The following ROBO1 variants were observed in gnomAD, a reference collection of about 807,000 sequenced individuals.
ROBO1 encodes the protein roundabout homolog 1.
ROBO1 carries 149 observed loss-of-function variants against 195.9 expected under a neutral mutation model. That is an observed-to-expected ratio of 0.76 (90% CI 0.67 to 0.87). The LOEUF is 0.87. ROBO1 is among the 40% of genes least tolerant of loss of function. The pLI is 0.00. For synonymous variants in ROBO1, 816 were observed against 733.2 expected (o/e 1.11, Z -1.82); for missense variants, 1,933 against 2,068.3 (o/e 0.93, Z 1.27).
chr3:78,960,752 G>A (rs956555323), intron 3 of ROBO1, among the ~76,000 whole-genome samples: 15 of 149,204 alleles, frequency 1.0e-4, no homozygotes, highest in Non-Finnish European at 2.1e-4. Flanking sequence ...TCTCCAGCCT[G>A]GGCAACGAAG....
intron 4 of ROBO1, among the ~76,000 whole-genome samples, chr3:78,922,005 C>A (rs2038961912): frequency 6.6e-6 from 1 of 151,934 alleles, no homozygotes; most frequent in Admixed American, 6.6e-5. Flanking sequence ...GAGAAAATTT[C>A]TCTTATTTAG....
intron 2 of ROBO1, among the ~76,000 whole-genome samples, chr3:79,418,364 C>A (rs764975543): frequency 1.2e-4 from 18 of 152,134 alleles, no homozygotes; most frequent in Middle Eastern, 6.8e-3. Context: ...TTCTATCTCC[C>A]AAATTGGATT....
rs577972227 is a variant in ROBO1 at position 79,155,069 on chromosome 3, T to C, written c.89-29530A>G. On this transcript the variant is annotated intron_variant, in intron 2 of 30. Coordinates refer to ENST00000464233, the MANE Select transcript of ROBO1 (RefSeq NM_002941.4). ...AGTGCCTCTCAAAGGACACATTGAC[T>C]CCTATTGCCAACGATGCATGTGGCT... Among the ~76,000 whole-genome samples the C allele has an allele frequency of 1.5e-4, 23 of 151,898 alleles. 1 individual carries two copies. The East Asian group carries it at 3.7e-3, about 24-fold the overall frequency.
At chr3:79,339,325 G>A (rs1033332749) in intron 2 of ROBO1, among the ~76,000 whole-genome samples, 1 of 152,126 alleles carries the variant, frequency 6.6e-6, no homozygotes, top group African/African-American at 2.4e-5. Context: ...TGGACCGTAA[G>A]AGCCTGCTTG....
chr3:79,056,974 G>C (rs1006295118), intron 3 of ROBO1, among the ~76,000 whole-genome samples: 2 of 152,018 alleles, frequency 1.3e-5, no homozygotes, highest in Non-Finnish European at 2.9e-5. Context: ...CCTTGAAATC[G>C]GCTCGAAGTT....
At chr3:79,439,461 T>G (rs192433031) in intron 2 of ROBO1, among the ~76,000 whole-genome samples, 9 of 152,212 alleles carry the variant, frequency 5.9e-5, no homozygotes, top group Non-Finnish European at 1.3e-4. Flanking sequence ...TATTATTATC[T>G]AAATTATTTT....
intron 2 of ROBO1, among the ~76,000 whole-genome samples, chr3:79,277,131 G>T (rs560754985): frequency 6.6e-6 from 1 of 151,758 alleles, no homozygotes; most frequent in African/African-American, 2.4e-5. Flanking sequence ...ATACCCAAAA[G>T]AAAAAAAATT....
At chr3:79,128,391 C>T (rs1378345834) in intron 2 of ROBO1, among the ~76,000 whole-genome samples, 1 of 152,050 alleles carries the variant, frequency 6.6e-6, no homozygotes, top group East Asian at 1.9e-4. Context: ...ATTTGTGTAC[C>T]TACCCATTTT....
intron 2 of ROBO1, among the ~76,000 whole-genome samples, chr3:79,402,315 T>C (rs2037396940): frequency 6.6e-6 from 1 of 151,984 alleles, no homozygotes; most frequent in South Asian, 2.1e-4. Flanking sequence ...CAGACAATAA[T>C]AGATACATAT....
At chr3:78,631,480 C>T (rs561122954) in intron 24 of ROBO1, among the ~76,000 whole-genome samples, 175 bp from the exon 25 acceptor site, 2 of 152,196 alleles carry the variant, frequency 1.3e-5, no homozygotes, top group East Asian at 3.9e-4. Flanking sequence ...ATGCAAGGTA[C>T]TGCCATGAAT....
chr3:78,949,778 T>C (rs2040670143), intron 3 of ROBO1, among the ~76,000 whole-genome samples: 1 of 152,096 alleles, frequency 6.6e-6, no homozygotes. Flanking sequence ...AAAGGGCTAA[T>C]ATCCAGAATC....
intron 2 of ROBO1, among the ~76,000 whole-genome samples, chr3:79,172,176 G>T (rs955118964): frequency 6.6e-6 from 1 of 152,044 alleles, no homozygotes; most frequent in South Asian, 2.1e-4. Context: ...ATAAGATCCT[G>T]TGGTCTACTC....
At chr3:78,759,403 G>A (rs144063946) in intron 4 of ROBO1, 3 of 147,946 alleles carry the variant, frequency 2.0e-5, no homozygotes, top group African/African-American at 5.0e-5. Context: ...AAAAAAAAGC[G>A]AACGAGAGAA....
intron 6 of ROBO1, 134 bp from the exon 7 acceptor site, chr3:78,717,547 C>G: frequency 1.1e-6 from 1 of 907,710 alleles, no homozygotes; most frequent in Non-Finnish European, 1.7e-6. Flanking sequence ...TCCCCTCATT[C>G]TAGAAGCTTC....
chr3:78,901,164 T>C (rs1245440204), intron 4 of ROBO1, among the ~76,000 whole-genome samples: 1 of 152,232 alleles, frequency 6.6e-6, no homozygotes. Flanking sequence ...CTAGGATATA[T>C]TGCTTGTGTA....
At chr3:79,250,569 G>C (rs2082709510) in intron 2 of ROBO1, among the ~76,000 whole-genome samples, 1 of 151,920 alleles carries the variant, frequency 6.6e-6, no homozygotes, top group Admixed American at 6.6e-5. Context: ...TGTGTGGGGG[G>C]GGTTCTGTAT....
chr3:79,291,824 C>G (rs1423531079), intron 2 of ROBO1, among the ~76,000 whole-genome samples: 1 of 152,078 alleles, frequency 6.6e-6, no homozygotes, highest in Admixed American at 6.6e-5. Context: ...CCATAAATGG[C>G]CCCAAGTTTT....
chr3:79,549,444 T>C (rs1942394183), intron 2 of ROBO1, among the ~76,000 whole-genome samples: 1 of 152,200 alleles, frequency 6.6e-6, no homozygotes, highest in Non-Finnish European at 1.5e-5. Flanking sequence ...CGGCCCTCCG[T>C]ATCTATGAGT....
chr3:79,007,553 T>G (rs554263396), intron 3 of ROBO1, among the ~76,000 whole-genome samples: 22 of 152,358 alleles, frequency 1.4e-4, no homozygotes, highest in Admixed American at 9.8e-4. Flanking sequence ...AACAGATGTT[T>G]TAATCTCTAA....
Sources: gnomAD v4.1 joint callset for allele counts (sites outside exome capture counted in the v4.1 genomes callset) on GRCh38, gnomAD v4.1.1 for gene constraint, MANE v1.5 for transcripts, NCBI Gene and HGNC (gene_info 2026-07-23, HGNC 2026-07-21) for gene names.